Variants in GOSR2 observed in about 807,000 individuals in gnomAD.
GOSR2 encodes 27 kDa Golgi SNARE protein.
A neutral mutation model predicts 27.9 loss-of-function variants in GOSR2; 20 were observed. The ratio of observed to expected loss-of-function variants is 0.72; its 90% confidence interval spans 0.50 to 1.04. The LOEUF (loss-of-function observed/expected upper bound fraction) is 1.04. Ranked by LOEUF, GOSR2 falls within the 50% of genes least tolerant of loss-of-function variation. GOSR2 has a pLI of 0.00. For missense variants in GOSR2, 261 were observed against 270.5 expected (o/e 0.97, Z 0.25); for synonymous variants, 91 against 98.8 (o/e 0.92, Z 0.47).
chr17:46,956,922 A>G (rs908974144), intron 6 of GOSR2, among the ~76,000 whole-genome samples: 3 of 152,214 alleles, frequency 2.0e-5, no homozygotes, highest in African/African-American at 7.2e-5. Flanking sequence ...ATGAATCCCC[A>G]AAAGAGTCAG....
downstream of GOSR2, among the ~76,000 whole-genome samples, chr17:46,942,232 G>T (rs1032304133): frequency 3.0e-4 from 45 of 152,206 alleles, no homozygotes; most frequent in African/African-American, 1.0e-3. Flanking sequence ...ATCTGTTACT[G>T]TCTCAACCGG....
intron 6 of GOSR2, chr17:46,963,627 C>T (rs901092957): frequency 2.6e-5 from 4 of 151,980 alleles, no homozygotes; most frequent in East Asian, 1.9e-4. Flanking sequence ...CACTAATCAT[C>T]CTCAGTGTTC....
intron 4 of GOSR2, chr17:46,933,201 T>C (rs1048216414): frequency 1.3e-5 from 2 of 152,278 alleles, no homozygotes; most frequent in Non-Finnish European, 2.9e-5. Context: ...TATTTTGTTT[T>C]TTGCCAGCCT....
chr17:46,952,179 AT>A (rs1388762602), intron 6 of GOSR2, among the ~76,000 whole-genome samples: 8 of 152,260 alleles, frequency 5.3e-5, no homozygotes, highest in Middle Eastern at 3.4e-3. Flanking sequence ...ACAAATCCTT[AT>A]CCCCTTCTGC....
rs776705812 is a variant in GOSR2 at position 46,963,473 on chromosome 17, A to T, written c.584-3061A>T. ...GTTACAAGAATTGCTTGAACCTGGG[A>T]GGTGGAGGTTACAGTGAGCCAAGAT... On this transcript the variant is annotated intron_variant, in intron 6 of 6. Coordinates refer to the GOSR2 transcript ENST00000573224. 7.8e-4 allele frequency among the ~76,000 whole-genome samples: 117 copies of T among 150,746 alleles called. 2 individuals carry two copies. Among genetic ancestry groups the T allele is most frequent in the Non-Finnish European group, 5.5e-4 (37 of 67,880 alleles).
At position 46,925,331 on chromosome 17, in the gene GOSR2, C is replaced by T. The variant is rs574975679; in HGVS notation, c.29+2110C>T. On this transcript the variant is annotated intron_variant, in intron 1 of 5. Transcript: ENST00000640051. Reference sequence around the variant, plus strand: ...ACAACTATTAGGCCCTCTGCTACCCCGACACTCATTAATTCATTGAATATT... The same window carrying T: ...ACAACTATTAGGCCCTCTGCTACCCTGACACTCATTAATTCATTGAATATT... 1.4e-4 allele frequency among the ~76,000 whole-genome samples: 21 copies of T among 152,284 alleles called. No homozygotes were observed. In the South Asian group the frequency reaches 1.5e-3, roughly 11 times the overall value.
At chr17:46,934,907 G>T in intron 4 of GOSR2, 122 bp from the exon 5 acceptor site, 1 of 867,472 alleles carries the variant, frequency 1.2e-6, no homozygotes, top group Non-Finnish European at 2.0e-6. Context: ...ATTAGGGTCC[G>T]CTGATTCTTT....
In GOSR2 at chr17:46,939,246, G is replaced by A. The variant is rs1003035029; in HGVS notation, c.*486G>A. 3.0e-5 allele frequency: 31 copies of A among 1,042,206 alleles called. No individual in the cohort carries two copies. The highest frequency in any genetic ancestry group is 2.7e-4 in the African/African-American group (16 of 60,258). The allele number at this position is 1,042,206 out of a possible 1,614,324, so 64.6% of individuals were successfully genotyped here. A position where few individuals can be genotyped will look rare whatever the true frequency, so the allele number is the denominator to read the frequency against. On this transcript the variant is annotated 3_prime_UTR_variant, in exon 6 of 6. Coordinates refer to ENST00000640051, the MANE Select transcript of GOSR2 (RefSeq NM_004287.5). ...AAATAGTAGGTCGATTCACATCCTC[G>A]TGCTCCTGGCCACCCTCCCCTGTGC...
intron 4 of GOSR2, among the ~76,000 whole-genome samples, chr17:46,934,059 C>T (rs988643728): frequency 6.6e-6 from 1 of 152,184 alleles, no homozygotes; most frequent in South Asian, 2.1e-4. Context: ...TGCCTATAGT[C>T]CACTTTCAGA....
chr17:46,968,567 A>G (rs1423886270), downstream of GOSR2: 1 of 152,582 alleles, frequency 6.6e-6, no homozygotes, highest in Non-Finnish European at 1.5e-5. Context: ...CCTCTCGACA[A>G]ACACAGAGGA....
intron 3 of GOSR2, 37 bp downstream of exon 3, chr17:46,931,244 G>T (rs768756655): frequency 3.1e-6 from 3 of 966,704 alleles, no homozygotes; most frequent in South Asian, 2.6e-5. Context: ...TGATACTCCA[G>T]GCCCATCAAG....
intron 6 of GOSR2, among the ~76,000 whole-genome samples, chr17:46,949,949 C>T (rs1446004531): frequency 2.0e-5 from 3 of 152,298 alleles, no homozygotes; most frequent in African/African-American, 7.2e-5. Flanking sequence ...TAGTCCCTGC[C>T]CTCCTCCAGT....
chr17:46,931,512 T>C (rs2087376873), intron 3 of GOSR2: 3 of 442,330 alleles, frequency 6.8e-6, no homozygotes, highest in Non-Finnish European at 1.2e-5. Flanking sequence ...AATGTTGCCA[T>C]GGAGTTTTGT....
chr17:46,959,913 AT>A (rs1370571703), intron 6 of GOSR2, among the ~76,000 whole-genome samples: 22 of 152,336 alleles, frequency 1.4e-4, no homozygotes, highest in Admixed American at 3.9e-4. Context: ...CTCTAAAGGA[AT>A]TCAGGCTGGG....
intron 5 of GOSR2, chr17:46,936,854 G>T (rs1198157099): frequency 2.0e-6 from 2 of 982,800 alleles, no homozygotes; most frequent in African/African-American, 1.8e-5. Context: ...TCTGGCTGAG[G>T]CTTCTTAATT....
chr17:46,936,499 C>T (rs2088387330), intron 5 of GOSR2: 3 of 985,506 alleles, frequency 3.0e-6, no homozygotes, highest in Non-Finnish European at 3.6e-6. Context: ...TGGTGTTTGT[C>T]TCTTGATTCC....
intron 6 of GOSR2, among the ~76,000 whole-genome samples, chr17:46,963,362 TG>T (rs1304917695): frequency 6.6e-6 from 1 of 152,086 alleles, no homozygotes; most frequent in Non-Finnish European, 1.5e-5. Flanking sequence ...CTGAACAACA[TG>T]GTAAAATCCC....
At chr17:46,956,690 G>A (rs529425014) in intron 6 of GOSR2, among the ~76,000 whole-genome samples, 6 of 152,266 alleles carry the variant, frequency 3.9e-5, no homozygotes, top group African/African-American at 1.2e-4. Context: ...GCAAGTAGAC[G>A]CTGAGGGGGC....
intron 6 of GOSR2, chr17:46,964,513 C>G (rs55840676): frequency 2.6e-5 from 4 of 152,434 alleles, no homozygotes; most frequent in Admixed American, 6.5e-5. Context: ...TGGCCTATTG[C>G]TGGGGAGGCC....
Sources: gnomAD v4.1 joint callset for allele counts (sites outside exome capture counted in the v4.1 genomes callset) on GRCh38, gnomAD v4.1.1 for gene constraint, MANE v1.5 for transcripts, NCBI Gene and HGNC (gene_info 2026-07-23, HGNC 2026-07-21) for gene names.